Variants in SOS1 observed in about 807,000 individuals in gnomAD.
The protein encoded by SOS1 is son of sevenless homolog 1.
A neutral mutation model predicts 157.6 loss-of-function variants in SOS1; 25 were observed. That is an observed-to-expected ratio of 0.16 (90% CI 0.12 to 0.22). SOS1 has a LOEUF of 0.22. Ranked by LOEUF, SOS1 falls within the 10% of genes least tolerant of loss-of-function variation. The pLI is 1.00. For synonymous variants in SOS1, 528 were observed against 534.0 expected (o/e 0.99, Z 0.16); for missense variants, 1,237 against 1,599.1 (o/e 0.77, Z 3.86).
At chr2:39,118,198 A>G (rs1052578205) in intron 1 of SOS1, among the ~76,000 whole-genome samples, 4 of 152,264 alleles carry the variant, frequency 2.6e-5, no homozygotes, top group Non-Finnish European at 5.9e-5. Context: ...TAGAAGGATG[A>G]GTAGTGTTGG....
chr2:39,088,303 C>T (rs1398904390), intron 1 of SOS1, among the ~76,000 whole-genome samples: 1 of 149,380 alleles, frequency 6.7e-6, no homozygotes, highest in Admixed American at 6.8e-5. Flanking sequence ...TGAGATGGAG[C>T]GAAGGAAGTG....
rs1572822614 is a variant in SOS1 at position 39,013,722 on chromosome 2, A to G, written c.2063+145T>C. Reference sequence around the variant, plus strand: ...ATTCTATGTTAAGGCTTATACTATAATTTCTGATAACTGCTCTAATTAGTA... The same window carrying G: ...ATTCTATGTTAAGGCTTATACTATAGTTTCTGATAACTGCTCTAATTAGTA... On this transcript the variant is annotated intron_variant, in intron 12 of 22. Transcript: ENST00000402219. The G allele has an allele frequency of 7.9e-6, 7 of 889,284 alleles. No homozygotes were observed. The East Asian group carries it at 1.8e-4, about 23-fold the overall frequency. 55.1% of individuals were successfully genotyped at this position (889,284 alleles called of 1,614,324 possible).
chr2:39,012,258 G>A lies in SOS1; in HGVS notation c.2258C>T (p.Thr753Ile), dbSNP rs1032978868. The change falls in exon 14 of 23, where the codon ACA (threonine) becomes ATA (isoleucine). Residue 753 changes from threonine (T) to isoleucine (I), a missense_variant. Thr to Ile is a moderately conservative substitution (Grantham distance 89, BLOSUM62 -1). Around this residue, in one of 15 missense-constraint regions of SOS1, gnomAD observed 39 missense variants for 40.5 expected, o/e 0.96. Coordinates refer to ENST00000402219, the MANE Select transcript of SOS1 (RefSeq NM_005633.4). ...AACTGTGGGAGGTGAACTCTGAAATGTAATATTATGACCTGGTCCATTGTC... is the reference window on the plus strand; with the variant it reads ...AACTGTGGGAGGTGAACTCTGAAATATAATATTATGACCTGGTCCATTGTC... ...ARDNGPGHNI[T>I]FQSSPPTVEW... The A allele has an allele frequency of 6.2e-6, 10 of 1,613,140 alleles. No individual in the cohort carries two copies. The highest frequency in any genetic ancestry group is 5.9e-6 in the Non-Finnish European group (7 of 1,179,346).
upstream of SOS1, among the ~76,000 whole-genome samples, chr2:39,122,377 C>T (rs1255388707): frequency 6.6e-6 from 1 of 151,552 alleles, no homozygotes; most frequent in African/African-American, 2.4e-5. Flanking sequence ...TTGCAGTGAG[C>T]CGGGATCATG....
intron 1 of SOS1, among the ~76,000 whole-genome samples, chr2:39,107,538 TC>T (rs1425026000): frequency 6.6e-6 from 1 of 151,604 alleles, no homozygotes; most frequent in Non-Finnish European, 1.5e-5. Context: ...TCCTTCCTTT[TC>T]CCCCCTCACA....
Position 39,023,047 on chromosome 2 carries a change from T to C in SOS1, c.1381A>G (p.Ile461Val), listed in dbSNP as rs1175506046. ...TRVGAKHERH[I>V]FLFDGLMICC... Reference sequence around the variant, plus strand: ...ATCATTAAGCCATCAAAGAGAAATATGTGTCTCTCATGTTTGGCTCCTACA... The same window carrying C: ...ATCATTAAGCCATCAAAGAGAAATACGTGTCTCTCATGTTTGGCTCCTACA... Residue 461 changes from isoleucine (I) to valine (V), a missense_variant, in exon 10 of 23, where the codon ATA becomes GTA. Physicochemically the swap from Ile to Val is conservative, Grantham distance 29. This residue lies in a region of SOS1 where 210 missense variants were observed against 220.2 expected (regional missense o/e 0.95). Coordinates refer to ENST00000402219, the MANE Select transcript of SOS1 (RefSeq NM_005633.4). 7 of 1,613,656 alleles carry C rather than the reference T, an allele frequency of 4.3e-6. No individual in the cohort carries two copies. Among genetic ancestry groups the C allele is most frequent in the Admixed American group, 1.7e-5 (1 of 59,972 alleles).
chr2:39,021,914 A>T (rs2124534807), intron 10 of SOS1, among the ~76,000 whole-genome samples: 1 of 151,928 alleles, frequency 6.6e-6, no homozygotes, highest in East Asian at 1.9e-4. Flanking sequence ...GTACCTCTCA[A>T]AAAACAGCTT....
At chr2:39,074,142 G>A (rs1016467977) in intron 1 of SOS1, among the ~76,000 whole-genome samples, 8 of 152,020 alleles carry the variant, frequency 5.3e-5, no homozygotes, top group African/African-American at 1.9e-4. Flanking sequence ...CTGAGATCAC[G>A]AGTTTGAGAC....
At chr2:39,095,398 C>T (rs1179998226) in intron 1 of SOS1, among the ~76,000 whole-genome samples, 1 of 152,112 alleles carries the variant, frequency 6.6e-6, no homozygotes, top group East Asian at 1.9e-4. Flanking sequence ...TATGATTAAG[C>T]TAGGGGAAAA....
Position 38,997,499 on chromosome 2 carries a change from G to C in SOS1, c.2792-74C>G. ...GTTTTTTTCTGTTTCATTAATTGTG[G>C]GTATATTACACTGTACCATCTCAGT... On this transcript the variant is annotated intron_variant, in intron 17 of 22. Transcript: ENST00000402219. 3.9e-6 allele frequency: 4 copies of C among 1,035,760 alleles called. No homozygotes were observed. In the South Asian group the frequency reaches 5.2e-5, roughly 13 times the overall value. 64.2% of individuals were successfully genotyped at this position (1,035,760 alleles called of 1,614,324 possible). A position where few individuals can be genotyped will look rare whatever the true frequency, so the allele number is the denominator to read the frequency against.
chr2:39,044,270 T>G (rs1035775005), intron 6 of SOS1, among the ~76,000 whole-genome samples: 1 of 152,164 alleles, frequency 6.6e-6, no homozygotes, highest in Non-Finnish European at 1.5e-5. Flanking sequence ...GAGAATTGCT[T>G]GAACCTGGGA....
chr2:39,097,222 C>T (rs1447776861), intron 1 of SOS1, among the ~76,000 whole-genome samples: 1 of 152,178 alleles, frequency 6.6e-6, no homozygotes, highest in Non-Finnish European at 1.5e-5. Flanking sequence ...GACTATATAA[C>T]ACTTTATATA....
chr2:39,027,885 G>A (rs1364869349), intron 8 of SOS1, among the ~76,000 whole-genome samples: 2 of 150,082 alleles, frequency 1.3e-5, no homozygotes, highest in African/African-American at 2.5e-5. Flanking sequence ...CTGGAGTGCA[G>A]TGGCACAATC....
intron 1 of SOS1, among the ~76,000 whole-genome samples, chr2:39,071,336 C>T (rs1017484724): frequency 1.3e-5 from 2 of 152,160 alleles, no homozygotes; most frequent in African/African-American, 4.8e-5. Context: ...AGTGGATGCC[C>T]ATGGACCATA....
At chr2:39,068,598 C>A (rs900711338) in intron 1 of SOS1, among the ~76,000 whole-genome samples, 3 of 152,164 alleles carry the variant, frequency 2.0e-5, no homozygotes, top group African/African-American at 7.2e-5. Flanking sequence ...CAAAGTCACC[C>A]TGTATCAAAG....
At chr2:39,046,925 C>G (rs1474840740) in intron 6 of SOS1, among the ~76,000 whole-genome samples, 1 of 152,182 alleles carries the variant, frequency 6.6e-6, no homozygotes, top group Non-Finnish European at 1.5e-5. Context: ...GTAGTAAACG[C>G]TCTTGGTCAT....
intron 17 of SOS1, among the ~76,000 whole-genome samples, chr2:39,002,792 C>T (rs141089114): frequency 1.3e-5 from 2 of 151,944 alleles, no homozygotes; most frequent in Non-Finnish European, 2.9e-5. Flanking sequence ...AGGCTGGGTA[C>T]GGTGGCTCAC....
chr2:38,999,566 CAA>C (rs1669021262), intron 17 of SOS1, among the ~76,000 whole-genome samples: 1 of 152,224 alleles, frequency 6.6e-6, no homozygotes, highest in African/African-American at 2.4e-5. Context: ...ATTCATAAGA[CAA>C]AGTGACTGTG....
intron 17 of SOS1, among the ~76,000 whole-genome samples, chr2:39,004,826 T>C (rs1006947063): frequency 6.6e-6 from 1 of 152,148 alleles, no homozygotes; most frequent in African/African-American, 2.4e-5. Context: ...ATGGAAATTA[T>C]TGCAACAAAT....
Sources: allele counts gnomAD v4.1 joint callset (sites outside exome capture counted in the v4.1 genomes callset), GRCh38; gene constraint gnomAD v4.1.1; regional missense constraint gnomAD v4.1.1; transcripts MANE v1.5; gene names NCBI Gene and HGNC (gene_info 2026-07-23, HGNC 2026-07-21).